The following ALCAM variants were observed in gnomAD, a reference collection of about 807,000 sequenced individuals.
ALCAM encodes activated leukocyte cell adhesion molecule, also known as CD166 antigen.
ALCAM carries 30 observed loss-of-function variants against 70.9 expected under a neutral mutation model. The observed-to-expected ratio is 0.42, with a 90% confidence interval of 0.32 to 0.57. ALCAM has a LOEUF of 0.57. Among genes scored for constraint, ALCAM ranks in the 20% least tolerant of loss-of-function variants. ALCAM has a pLI of 0.11. For synonymous variants in ALCAM, 249 were observed against 242.5 expected (o/e 1.03, Z -0.25); for missense variants, 591 against 695.1 (o/e 0.85, Z 1.68).
At chr3:105,550,808 T>C (rs181684050) in intron 12 of ALCAM, among the ~76,000 whole-genome samples, 5 of 151,694 alleles carry the variant, frequency 3.3e-5, no homozygotes, top group Admixed American at 3.3e-4. Flanking sequence ...ATTTAAACTA[T>C]AGCCGAAAAT....
At chr3:105,538,836 T>G (rs1450112830) in intron 6 of ALCAM, among the ~76,000 whole-genome samples, 1 of 152,114 alleles carries the variant, frequency 6.6e-6, no homozygotes, top group African/African-American at 2.4e-5. Flanking sequence ...CAATCACCGT[T>G]TAACCTCAGA....
At chr3:105,570,597 A>G (rs1474297419) in intron 14 of ALCAM, among the ~76,000 whole-genome samples, 1 of 152,200 alleles carries the variant, frequency 6.6e-6, no homozygotes, top group African/African-American at 2.4e-5. Context: ...TATGTATAGA[A>G]TTGAAATTCC....
At position 105,541,777 on chromosome 3, in the gene ALCAM, ACTT is replaced by A. The variant is rs1226115442; in HGVS notation, c.991+17_991+19del. 2 of 1,611,252 alleles carry A rather than the reference ACTT, an allele frequency of 1.2e-6. No individual in the cohort carries two copies. Among genetic ancestry groups the A allele is most frequent in the African/African-American group, 2.7e-5 (2 of 74,840 alleles). On this transcript the variant is annotated intron_variant, in intron 8 of 15. Coordinates refer to ENST00000306107, the MANE Select transcript of ALCAM (RefSeq NM_001627.4). The stretch of plus-strand genomic sequence containing the variant: ...TATCACAGTTCACTGTAAGTCACCT[ACTT>A]CTTCATCAGCAGCTTCACCTCAAAG...
intron 1 of ALCAM, among the ~76,000 whole-genome samples, chr3:105,436,322 G>A (rs548798602): frequency 9.7e-4 from 147 of 152,110 alleles, no homozygotes; most frequent in African/African-American, 3.5e-3. Flanking sequence ...CAACTTCAGT[G>A]TAAACAGTTT....
intron 2 of ALCAM, among the ~76,000 whole-genome samples, chr3:105,523,409 A>T (rs767280890): frequency 8.5e-5 from 13 of 152,214 alleles, no homozygotes; most frequent in Non-Finnish European, 1.5e-4. Context: ...TTAGTAATTG[A>T]TATTATTAAT....
At chr3:105,480,674 T>C (rs1938247491) in intron 1 of ALCAM, among the ~76,000 whole-genome samples, 1 of 152,194 alleles carries the variant, frequency 6.6e-6, no homozygotes, top group Non-Finnish European at 1.5e-5. Context: ...TGAGAACTTA[T>C]GTCTTCCCCA....
chr3:105,368,134 T>G (rs2107310115), intron 1 of ALCAM, among the ~76,000 whole-genome samples: 1 of 150,078 alleles, frequency 6.7e-6, no homozygotes, highest in East Asian at 2.0e-4. Context: ...AATTAGTAGG[T>G]AGGCCTGGGA....
At chr3:105,494,725 T>C (rs1485567300) in intron 1 of ALCAM, among the ~76,000 whole-genome samples, 1 of 151,824 alleles carries the variant, frequency 6.6e-6, no homozygotes, top group Non-Finnish European at 1.5e-5. Flanking sequence ...AACGTCACGA[T>C]CATAGCCTAC....
chr3:105,451,941 T>G (rs1937438569), intron 1 of ALCAM, among the ~76,000 whole-genome samples: 2 of 152,154 alleles, frequency 1.3e-5, no homozygotes, highest in African/African-American at 4.8e-5. Flanking sequence ...TTTCATTGGC[T>G]TATCTCAGGG....
At chr3:105,388,938 G>C (rs1456569467) in intron 1 of ALCAM, among the ~76,000 whole-genome samples, 1 of 151,538 alleles carries the variant, frequency 6.6e-6, no homozygotes, top group Non-Finnish European at 1.5e-5. Context: ...ATTGAAACAA[G>C]TAACTTAAGT....
rs1576199131 is a variant in ALCAM, at chr3:105,492,316, G to A, written c.74-27751G>A. 2.0e-5 allele frequency among the ~76,000 whole-genome samples: 3 copies of A among 152,240 alleles called. No individual in the cohort carries two copies. In the East Asian group the frequency reaches 5.8e-4, roughly 29 times the overall value. ...TTATGGTAACTACAATTCAAGATGA[G>A]AACTGGTTGGGGATACAGTGAAACC... On this transcript the variant is annotated intron_variant, in intron 1 of 15. Transcript: ENST00000306107.
intron 12 of ALCAM, among the ~76,000 whole-genome samples, chr3:105,550,586 G>T (rs996063157): frequency 1.3e-5 from 2 of 151,402 alleles, no homozygotes; most frequent in African/African-American, 2.4e-5. Context: ...ATAATTCAAA[G>T]ATCATCTTAA....
chr3:105,507,301 A>T (rs1939105866), intron 1 of ALCAM, among the ~76,000 whole-genome samples: 1 of 152,064 alleles, frequency 6.6e-6, no homozygotes, highest in Non-Finnish European at 1.5e-5. Context: ...CCTAGCTTAC[A>T]TTAGATTTTC....
intron 1 of ALCAM, among the ~76,000 whole-genome samples, chr3:105,457,553 TA>T (rs1189944251): frequency 1.5e-3 from 219 of 149,290 alleles, no homozygotes; most frequent in Middle Eastern, 3.4e-3. Flanking sequence ...ACCTAAAAGT[TA>T]AAAAAAAAAA....
At chr3:105,455,895 G>T (rs774872586) in intron 1 of ALCAM, among the ~76,000 whole-genome samples, 2 of 152,284 alleles carry the variant, frequency 1.3e-5, no homozygotes, top group Non-Finnish European at 2.9e-5. Flanking sequence ...TTGGAGAACA[G>T]GCTGGCAAAC....
At chr3:105,514,941 C>T (rs757751987) in intron 1 of ALCAM, among the ~76,000 whole-genome samples, 1 of 151,832 alleles carries the variant, frequency 6.6e-6, no homozygotes, top group East Asian at 1.9e-4. Context: ...GAAAAAGAAA[C>T]GAGAAAAAGC....
rs947600626 is a variant in ALCAM, at chr3:105,574,562, C to G, written c.*111C>G. The G allele has an allele frequency of 5.2e-5, 8 of 152,412 alleles. No individual in the cohort carries two copies. Among genetic ancestry groups the G allele is most frequent in the African/African-American group, 1.9e-4 (8 of 41,356 alleles). The allele number at this position is 152,412 out of a possible 1,614,324, so 9.4% of individuals were successfully genotyped here. ...AAGACATTGACAGCAATTCATGGTT[C>G]AAGTATTAAGCAGTTCATTCTACCA... On this transcript the variant is annotated 3_prime_UTR_variant, in exon 16 of 16. Coordinates refer to ENST00000306107, the MANE Select transcript of ALCAM (RefSeq NM_001627.4).
intron 3 of ALCAM, among the ~76,000 whole-genome samples, chr3:105,528,418 T>C (rs879457423): frequency 3.5e-4 from 53 of 152,188 alleles, no homozygotes; most frequent in Admixed American, 2.6e-3. Flanking sequence ...CTTCTCCAGC[T>C]ATAAAATCTC....
intron 1 of ALCAM, chr3:105,440,799 C>A (rs747116819): frequency 6.6e-6 from 1 of 152,148 alleles, no homozygotes; most frequent in Non-Finnish European, 1.5e-5. Context: ...AAACAAATTT[C>A]TTTTCTGTTT....
Sources: allele counts gnomAD v4.1 joint callset (sites outside exome capture counted in the v4.1 genomes callset), GRCh38; gene constraint gnomAD v4.1.1; transcripts MANE v1.5; gene names NCBI Gene and HGNC (gene_info 2026-07-23, HGNC 2026-07-21).